The following TEX11 variants were observed in gnomAD, a reference collection of about 807,000 sequenced individuals.
TEX11 encodes the protein testis expressed 11.
A neutral mutation model predicts 84.4 loss-of-function variants in TEX11; 7 were observed. That is an observed-to-expected ratio of 0.08 (90% CI 0.05 to 0.16). The LOEUF (loss-of-function observed/expected upper bound fraction) is 0.16, where lower values mean the gene tolerates loss of function less well. Ranked by LOEUF, TEX11 falls within the 10% of genes least tolerant of loss-of-function variation. TEX11 has a pLI of 1.00. For missense variants in TEX11, 551 were observed against 660.5 expected, an observed-to-expected ratio of 0.83 and a Z score of 1.82; for synonymous variants, 264 against 222.8, an observed-to-expected ratio of 1.18 and a Z score of -1.64.
At chrX:70,585,023 C>A (rs756983667) in intron 25 of TEX11, among the ~76,000 whole-genome samples, 6 of 111,773 alleles carry the variant, frequency 5.4e-5, no homozygotes, top group Non-Finnish European at 1.1e-4. Flanking sequence ...CAACATTGTA[C>A]GGGAAGTTTT....
intron 20 of TEX11, among the ~76,000 whole-genome samples, chrX:70,617,482 G>T (rs2089333050): frequency 9.4e-6 from 1 of 106,473 alleles, no homozygotes; most frequent in Admixed American, 1.0e-4. Context: ...TATATATAAT[G>T]AGATACTACT....
rs952237247 is a variant in TEX11 at position 70,810,975 on chromosome X, C to A, written c.607-4185G>T. Among the ~76,000 whole-genome samples, 8 of 111,473 alleles carry A rather than the reference C, an allele frequency of 7.2e-5. No individual in the cohort carries two copies. The Admixed American group carries it at 7.6e-4, about 11-fold the overall frequency. On this transcript the variant is annotated intron_variant, in intron 8 of 29. Coordinates refer to ENST00000374333, the MANE Select transcript of TEX11 (RefSeq NM_031276.3). ...ATATTTAGTTTAAAAGTATATGACT[C>A]ACTTAAAATTTACAGAACATGTCGT...
At chrX:70,869,101 A>ATAAAG (rs2091616784) in intron 4 of TEX11, among the ~76,000 whole-genome samples, 2 of 102,561 alleles carry the variant, frequency 2.0e-5, no homozygotes, top group African/African-American at 7.6e-5. Context: ...ATAAAATAAA[A>ATAAAG]TAAAATAAAA....
At chrX:70,569,485 A>C (rs1331259164) in intron 25 of TEX11, among the ~76,000 whole-genome samples, 1 of 111,332 alleles carries the variant, frequency 9.0e-6, no homozygotes, top group East Asian at 2.8e-4. Context: ...AGACGCTCTG[A>C]TTTTTAGAGT....
chrX:70,639,247 C>T (rs1251656236), intron 17 of TEX11, among the ~76,000 whole-genome samples: 5 of 112,025 alleles, frequency 4.5e-5, no homozygotes, highest in East Asian at 2.8e-4. Flanking sequence ...GATTATATCC[C>T]GCACCTGGCT....
chrX:70,526,517 C>T (rs1276584203), downstream of TEX11, among the ~76,000 whole-genome samples: 9 of 106,347 alleles, frequency 8.5e-5, no homozygotes, highest in East Asian at 3.0e-4. Flanking sequence ...TGCAGTGTGC[C>T]GAGATAGTGC....
chrX:70,894,182 CA>C (rs2091754368), intron 2 of TEX11, among the ~76,000 whole-genome samples: 2 of 110,870 alleles, frequency 1.8e-5, no homozygotes, highest in African/African-American at 6.6e-5. Flanking sequence ...GAAACTATTC[CA>C]AACAATAGAA....
chrX:70,556,276 C>T (rs982090712), intron 25 of TEX11, among the ~76,000 whole-genome samples: 1 of 110,039 alleles, frequency 9.1e-6, no homozygotes, highest in Non-Finnish European at 1.9e-5. Flanking sequence ...TGTCTAGATA[C>T]TGCTCTAGTT....
intron 11 of TEX11, among the ~76,000 whole-genome samples, chrX:70,739,318 G>GA (rs939692341): frequency 2.7e-5 from 3 of 109,165 alleles, no homozygotes; most frequent in Non-Finnish European, 5.7e-5. Context: ...CCACTCTGTT[G>GA]AAAAAAACCT....
intron 20 of TEX11, among the ~76,000 whole-genome samples, chrX:70,612,110 C>T (rs2089267722): frequency 9.1e-6 from 1 of 109,576 alleles, no homozygotes. Context: ...TGCATTCCAG[C>T]CTGGGTGACA....
intron 8 of TEX11, among the ~76,000 whole-genome samples, chrX:70,826,235 C>T (rs763793646): frequency 1.5e-4 from 16 of 107,356 alleles, no homozygotes; most frequent in Non-Finnish European, 2.7e-4. Context: ...CGTTTGAACC[C>T]GGGAGGCGAA....
At chrX:70,741,241 T>C (rs1197460468) in intron 10 of TEX11, among the ~76,000 whole-genome samples, 1 of 111,282 alleles carries the variant, frequency 9.0e-6, no homozygotes, top group Non-Finnish European at 1.9e-5. Flanking sequence ...ACTGTAGCTA[T>C]TTCATAACAG....
intron 4 of TEX11, among the ~76,000 whole-genome samples, chrX:70,863,336 T>C (rs1014581133): frequency 1.1e-4 from 12 of 111,534 alleles, no homozygotes; most frequent in Non-Finnish European, 3.8e-5. Flanking sequence ...CCAGCTGGCA[T>C]TAGGCTGGTG....
chrX:70,643,202 C>A (rs2089687734), intron 17 of TEX11, among the ~76,000 whole-genome samples: 1 of 101,752 alleles, frequency 9.8e-6, no homozygotes, highest in Non-Finnish European at 2.0e-5. Flanking sequence ...ACCTAGGAAT[C>A]CAACTTACAA....
At chrX:70,621,534 AAAAAAAAAAAAAAAAAAATATATATAT>A (rs1405117388) in intron 20 of TEX11, among the ~76,000 whole-genome samples, 1 of 32,223 alleles carries the variant, frequency 3.1e-5, no homozygotes, top group African/African-American at 1.1e-4. Flanking sequence ...AAAAAAAAAA[AAAAAAAAAAAAAAAAAAATATATATAT>A]ATATATATAT....
intron 15 of TEX11, 32 bp from the exon 16 acceptor site, chrX:70,670,546 G>A: frequency 8.5e-7 from 1 of 1,173,014 alleles, no homozygotes. Context: ...CAAAATCACA[G>A]CGATGTCGCT....
intron 25 of TEX11, among the ~76,000 whole-genome samples, chrX:70,578,345 C>T (rs184072141): frequency 7.1e-5 from 8 of 111,964 alleles, no homozygotes; most frequent in African/African-American, 1.3e-4. Context: ...ATTGGACTAA[C>T]GGATTATCTA....
chrX:70,844,137 T>G (rs983876914), intron 7 of TEX11, among the ~76,000 whole-genome samples: 5 of 110,465 alleles, frequency 4.5e-5, no homozygotes, highest in Non-Finnish European at 9.5e-5. Context: ...TTATAAATCA[T>G]GCTGCTATAA....
At chrX:70,753,015 C>A (rs1279557095) in intron 9 of TEX11, among the ~76,000 whole-genome samples, 8 of 110,307 alleles carry the variant, frequency 7.3e-5, no homozygotes, top group Non-Finnish European at 1.5e-4. Context: ...TTTAAACCAG[C>A]CCGAGTCAGA....
Sources: gnomAD v4.1 joint callset for allele counts (sites outside exome capture counted in the v4.1 genomes callset) on GRCh38, gnomAD v4.1.1 for gene constraint, MANE v1.5 for transcripts, NCBI Gene and HGNC (gene_info 2026-07-23, HGNC 2026-07-21) for gene names.